Variants in AP4E1 observed in about 807,000 individuals in gnomAD.
AP4E1 encodes adaptor related protein complex 4 subunit epsilon 1.
AP4E1 carries 56 observed loss-of-function variants against 128.2 expected under a neutral mutation model. The observed-to-expected ratio is 0.44, with a 90% CI of 0.35 to 0.55. AP4E1 has a LOEUF of 0.55. Ranked by LOEUF, AP4E1 falls within the 20% of genes least tolerant of loss-of-function variation. AP4E1 has a pLI of 0.00. For synonymous variants in AP4E1, 484 were observed against 473.1 expected, an observed-to-expected ratio of 1.02 and a Z score of -0.30; for missense variants, 1,324 against 1,307.7, an observed-to-expected ratio of 1.01 and a Z score of -0.19.
intron 15 of AP4E1, among the ~76,000 whole-genome samples, chr15:50,974,881 A>AAAAC (rs1202564113): frequency 4.6e-5 from 7 of 152,204 alleles, no homozygotes; most frequent in Non-Finnish European, 1.0e-4. Flanking sequence ...TTAAAAAAAA[A>AAAAC]AAACTATTGA....
intron 16 of AP4E1, among the ~76,000 whole-genome samples, chr15:50,989,592 A>G (rs1437707536): frequency 1.3e-5 from 2 of 151,580 alleles, no homozygotes; most frequent in Non-Finnish European, 2.9e-5. Context: ...GCATTTGATG[A>G]TGGAGGTGAC....
intron 7 of AP4E1, among the ~76,000 whole-genome samples, chr15:50,932,995 A>G (rs532108803): frequency 6.6e-6 from 1 of 152,338 alleles, no homozygotes; most frequent in African/African-American, 2.4e-5. Flanking sequence ...TCTAAAAAAG[A>G]CTTACTGCCA....
rs555629102 is a variant in AP4E1 at position 51,003,617 on chromosome 15, A to G, written c.*955A>G. On this transcript the variant is annotated 3_prime_UTR_variant, in exon 21 of 21. Coordinates refer to ENST00000261842, the MANE Select transcript of AP4E1 (RefSeq NM_007347.5). ...ACATACAGGTTCTTCAGTAAAATATATCATTTTCATGTTATAGTTATGCCT... is the reference window on the plus strand; with the variant it reads ...ACATACAGGTTCTTCAGTAAAATATGTCATTTTCATGTTATAGTTATGCCT... 6.5e-6 allele frequency: 1 copy of G among 152,786 alleles called. No homozygotes were observed. Among genetic ancestry groups the G allele is most frequent in the African/African-American group, 2.4e-5 (1 of 41,576 alleles). 9.5% of individuals were successfully genotyped at this position (152,786 alleles called of 1,614,324 possible). A position where few individuals can be genotyped will look rare whatever the true frequency, so the allele number is the denominator to read the frequency against.
At chr15:50,965,617 G>C (rs1371561574) in intron 14 of AP4E1, among the ~76,000 whole-genome samples, 1 of 152,172 alleles carries the variant, frequency 6.6e-6, no homozygotes, top group Non-Finnish European at 1.5e-5. Flanking sequence ...AAGGTTTTCG[G>C]AGCTTTTATA....
chr15:50,961,126 C>T (rs986445566), intron 14 of AP4E1, among the ~76,000 whole-genome samples: 5 of 151,888 alleles, frequency 3.3e-5, no homozygotes, highest in Non-Finnish European at 7.4e-5. Flanking sequence ...GTAAGTCTCC[C>T]AACAGAGAAA....
At chr15:50,926,162 G>A (rs1217589669) in intron 5 of AP4E1, among the ~76,000 whole-genome samples, 1 of 151,970 alleles carries the variant, frequency 6.6e-6, no homozygotes, top group Non-Finnish European at 1.5e-5. Flanking sequence ...TTTTGAGACA[G>A]AGTCTCACTC....
At chr15:50,928,425 C>A (rs1317418957) in intron 5 of AP4E1, among the ~76,000 whole-genome samples, 1 of 152,038 alleles carries the variant, frequency 6.6e-6, no homozygotes, top group East Asian at 1.9e-4. Context: ...GTAACTGGAA[C>A]TACAGGTGTG....
Position 50,961,405 on chromosome 15 carries a change from C to T in AP4E1, c.1851+2611C>T, listed in dbSNP as rs115688448. 2.1e-3 allele frequency among the ~76,000 whole-genome samples: 324 copies of T among 152,040 alleles called. 2 individuals are homozygous for T. The highest frequency in any genetic ancestry group is 7.6e-3 in the African/African-American group (314 of 41,496). ...CCAATAACACACCAAAAAGATAATA[C>T]ACTATGATCAAGTGGAATTTTCCCA... is the stretch of plus-strand genomic sequence containing the variant. On this transcript the variant is annotated intron_variant, in intron 14 of 20. Transcript: ENST00000261842.
chr15:50,997,502 G>C lies in AP4E1; in HGVS notation c.2523G>C (p.Lys841Asn). The C allele has an allele frequency of 6.2e-7, 1 of 1,613,992 alleles. No individual in the cohort carries two copies. Among genetic ancestry groups the C allele is most frequent in the Non-Finnish European group, 8.5e-7 (1 of 1,179,982 alleles). The change falls in exon 18 of 21, where the codon AAG becomes AAC. Residue 841 changes from lysine (K) to asparagine (N), a missense_variant. By Grantham distance (94) the Lys-to-Asn change is moderately conservative. Transcript: ENST00000261842. Reference protein sequence around the residue: ...YSNTLHDTGDKELKKFSLTSE... With the variant: ...YSNTLHDTGDNELKKFSLTSE... ...ATACTTTGCACGATACAGGAGACAAGGAATTAAAGAAATTTTCTCTCACTT... is the reference window on the plus strand; with the variant it reads ...ATACTTTGCACGATACAGGAGACAACGAATTAAAGAAATTTTCTCTCACTT...
chr15:50,964,362 G>C (rs1391587643), intron 14 of AP4E1, among the ~76,000 whole-genome samples: 1 of 151,280 alleles, frequency 6.6e-6, no homozygotes, highest in Non-Finnish European at 1.5e-5. Flanking sequence ...TTCTCATTCA[G>C]ATCATGAATT....
At chr15:50,956,623 G>A (rs1192735728) in intron 13 of AP4E1, among the ~76,000 whole-genome samples, 1 of 152,150 alleles carries the variant, frequency 6.6e-6, no homozygotes, top group Non-Finnish European at 1.5e-5. Flanking sequence ...GAAAGGGGAA[G>A]CCCTTCATAA....
intron 19 of AP4E1, 125 bp from the exon 20 acceptor site, chr15:51,000,901 A>G (rs2064953110): frequency 2.6e-6 from 2 of 761,166 alleles, no homozygotes; most frequent in Admixed American, 4.9e-5. Flanking sequence ...TGGTTTAAAG[A>G]CATAAATCTT....
chr15:50,923,495 G>A (rs538231410), intron 3 of AP4E1, among the ~76,000 whole-genome samples: 2 of 152,214 alleles, frequency 1.3e-5, no homozygotes, highest in South Asian at 4.1e-4. Context: ...AGCTCACTCA[G>A]TACAAAGAGC....
Position 50,915,053 on chromosome 15 carries a change from G to T in AP4E1, c.223-395G>T, listed in dbSNP as rs2063612986. On this transcript the variant is annotated intron_variant, in intron 2 of 20. Transcript: ENST00000261842. ...ATTACCAACTTGTGGGAATTTTATG[G>T]ATGTTTTCATTTGACAAAGTCTACT... 2.6e-5 allele frequency among the ~76,000 whole-genome samples: 4 copies of T among 152,132 alleles called. 1 individual carries two copies. The South Asian group carries it at 6.2e-4, about 24-fold the overall frequency.
intron 17 of AP4E1, among the ~76,000 whole-genome samples, chr15:50,995,885 C>CAAA (rs773763666): frequency 9.5e-6 from 1 of 105,808 alleles, no homozygotes; most frequent in African/African-American, 3.5e-5. Context: ...AAACATAGAC[C>CAAA]AAAAAAAAAA....
intron 10 of AP4E1, among the ~76,000 whole-genome samples, chr15:50,947,415 C>CAA (rs34715973): frequency 1.3e-4 from 15 of 117,162 alleles, no homozygotes; most frequent in African/African-American, 4.0e-4. Flanking sequence ...GACCCTGTCT[C>CAA]AAAAAAAAAA....
In AP4E1 at chr15:50,984,146, G is replaced by A; in HGVS notation, c.2090+1G>A. ...ATAGTGCTGAGACAGGACTGAAAGA[G>A]TAAGTTCATTTCTTATTAAAATTGA... On this transcript the variant is annotated splice_donor_variant, in intron 16 of 20. Transcript: ENST00000261842. LOFTEE classifies it high-confidence loss of function. The A allele has an allele frequency of 1.2e-6, 2 of 1,612,940 alleles. No individual in the cohort carries two copies. Among genetic ancestry groups the A allele is most frequent in the Non-Finnish European group, 1.7e-6 (2 of 1,179,194 alleles).
chr15:50,913,331 A>G (rs2063587560), intron 2 of AP4E1, among the ~76,000 whole-genome samples: 1 of 152,246 alleles, frequency 6.6e-6, no homozygotes. Flanking sequence ...CGTTAAACAG[A>G]AATGGTTTTT....
At chr15:50,926,614 T>G (rs2063772161) in intron 5 of AP4E1, among the ~76,000 whole-genome samples, 1 of 152,048 alleles carries the variant, frequency 6.6e-6, no homozygotes, top group Non-Finnish European at 1.5e-5. Context: ...CTTTTTTTTT[T>G]TTGAGATGGA....
Sources: allele counts gnomAD v4.1 joint callset (sites outside exome capture counted in the v4.1 genomes callset), GRCh38; gene constraint gnomAD v4.1.1; transcripts MANE v1.5; gene names NCBI Gene and HGNC (gene_info 2026-07-23, HGNC 2026-07-21).